MRTFB: variants seen among roughly 807,000 people sequenced by gnomAD.
MRTFB encodes the protein myocardin-related transcription factor B.
Under a neutral mutation model 104.2 loss-of-function variants are expected in MRTFB, and 29 were observed. The ratio of observed to expected loss-of-function variants is 0.28; its 90% CI spans 0.21 to 0.38. The LOEUF (loss-of-function observed/expected upper bound fraction) is 0.38. Ranked by LOEUF, MRTFB falls within the 10% of genes least tolerant of loss-of-function variation. The pLI is 1.00. For missense variants in MRTFB, 1,270 were observed against 1,341.6 expected (o/e 0.95, Z 0.83); for synonymous variants, 535 against 519.5 (o/e 1.03, Z -0.41).
At position 14,210,290 on chromosome 16, in the gene MRTFB, G is replaced by C. The variant is rs760992798; in HGVS notation, c.202G>C (p.Asp68His). 6.2e-7 allele frequency: 1 copy of C among 1,612,938 alleles called. No homozygotes were observed. The highest frequency in any genetic ancestry group is 8.5e-7 in the Non-Finnish European group (1 of 1,179,428). ...AAGGAGGACGAGAGAACAACTAGTG[G>C]ACCAGGGCATCATGCCACGTAAGAT... ...QQRRTREQLV[D>H]QGIMPPLKSP... The change falls in exon 4 of 17, where the codon GAC becomes CAC. Residue 68 changes from aspartate (D) to histidine (H), a missense_variant. Around this residue, in one of 3 missense-constraint regions of MRTFB, gnomAD observed 64 missense variants for 152.9 expected, o/e 0.42. Transcript: ENST00000571589.
the MRTFB span, among the ~76,000 whole-genome samples, chr16:14,025,651 G>A: frequency 1.3e-5 from 2 of 151,840 alleles, no homozygotes; most frequent in African/African-American, 4.8e-5. Context: ...AGAAGCTCAG[G>A]TTTCCTAGAA....
At chr16:14,015,740 C>G in the MRTFB span, 2 of 393,738 alleles carry the variant, frequency 5.1e-6, no homozygotes, top group African/African-American at 4.1e-5. Flanking sequence ...AATGCAGCAA[C>G]TTAATAATTA....
chr16:14,146,878 G>A (rs999504544), intron 3 of MRTFB, among the ~76,000 whole-genome samples: 1 of 152,152 alleles, frequency 6.6e-6, no homozygotes, highest in African/African-American at 2.4e-5. Context: ...GGGAGAAAGA[G>A]GAAATTTCTA....
intron 15 of MRTFB, among the ~76,000 whole-genome samples, chr16:14,256,151 ATGTC>A: frequency 1.3e-5 from 2 of 150,766 alleles, no homozygotes; most frequent in African/African-American, 2.4e-5. Context: ...AGATACAAAA[ATGTC>A]AAATTTTTTT....
At chr16:14,054,480 G>C in the MRTFB span, among the ~76,000 whole-genome samples, 1 of 152,176 alleles carries the variant, frequency 6.6e-6, no homozygotes, top group South Asian at 2.1e-4. Flanking sequence ...GCCTTCCAAA[G>C]TGCTAGGATT....
intron 2 of MRTFB, among the ~76,000 whole-genome samples, chr16:14,087,482 T>G (rs184768159): frequency 1.5e-4 from 23 of 152,292 alleles, no homozygotes; most frequent in African/African-American, 5.3e-4. Context: ...AGATGTCCAA[T>G]GTGGGAATAT....
At chr16:14,089,978 G>C (rs2034953179) in intron 2 of MRTFB, among the ~76,000 whole-genome samples, 1 of 152,116 alleles carries the variant, frequency 6.6e-6, no homozygotes, top group Non-Finnish European at 1.5e-5. Context: ...AAAATGGACT[G>C]TCTTTTTATT....
rs2043043152 is a variant in MRTFB at position 14,246,985 on chromosome 16, G to A, written c.1725G>A (p.Gln575=). ...LDAAEKDRKL[Q]EKEKQIEELK... is the part of the protein sequence containing the mutation. Reference sequence around the variant, plus strand: ...CAGCCGAAAAGGATCGCAAGCTTCAGGAGAAAGAGAAGCAAATCGAAGAGC... The same window carrying A: ...CAGCCGAAAAGGATCGCAAGCTTCAAGAGAAAGAGAAGCAAATCGAAGAGC... Residue 575 remains glutamine, a synonymous_variant, in exon 12 of 17, where the codon CAG becomes CAA. Transcript: ENST00000571589. 1 of 1,614,052 alleles carries A rather than the reference G, an allele frequency of 6.2e-7. No homozygotes were observed. Among genetic ancestry groups the A allele is most frequent in the African/African-American group, 1.3e-5 (1 of 74,942 alleles).
intron 2 of MRTFB, among the ~76,000 whole-genome samples, chr16:14,090,842 C>T (rs916451649): frequency 6.6e-6 from 1 of 151,326 alleles, no homozygotes; most frequent in African/African-American, 2.4e-5. Flanking sequence ...AAGAAAACCA[C>T]TTTAATTTTT....
intron 2 of MRTFB, among the ~76,000 whole-genome samples, chr16:14,132,128 A>G (rs1488004246): frequency 6.6e-6 from 1 of 152,232 alleles, no homozygotes. Context: ...ATTGGACAGT[A>G]TAGAGGAATC....
intron 3 of MRTFB, among the ~76,000 whole-genome samples, chr16:14,180,217 C>T (rs1310288331): frequency 6.6e-6 from 1 of 152,138 alleles, no homozygotes; most frequent in African/African-American, 2.4e-5. Context: ...CTAACATGTC[C>T]CCAGTGCATA....
chr16:14,008,834 G>A, the MRTFB span, among the ~76,000 whole-genome samples: 3 of 149,154 alleles, frequency 2.0e-5, no homozygotes, highest in African/African-American at 7.3e-5. Context: ...ATTTATTTAG[G>A]TCTTCTTTAG....
At chr16:14,235,905 G>T (rs935438347) in intron 9 of MRTFB, among the ~76,000 whole-genome samples, 1 of 152,234 alleles carries the variant, frequency 6.6e-6, no homozygotes, top group African/African-American at 2.4e-5. Context: ...GTATAGCCAG[G>T]TGCAGTGGCT....
intron 2 of MRTFB, among the ~76,000 whole-genome samples, chr16:14,120,830 G>C (rs1421709840): frequency 1.3e-5 from 2 of 152,110 alleles, no homozygotes. Context: ...AGGGCTTTGA[G>C]GAGAACTCTG....
intron 10 of MRTFB, among the ~76,000 whole-genome samples, chr16:14,242,227 G>C (rs947239268): frequency 2.6e-5 from 4 of 152,008 alleles, no homozygotes; most frequent in Non-Finnish European, 5.9e-5. Flanking sequence ...TGGCTTTGTA[G>C]ATAGGAAGAA....
intron 3 of MRTFB, among the ~76,000 whole-genome samples, chr16:14,168,429 T>C (rs190752577): frequency 3.3e-5 from 5 of 152,326 alleles, no homozygotes; most frequent in African/African-American, 9.6e-5. Context: ...ACAGCTACTG[T>C]TGTGGTTTTG....
chr16:14,181,234 C>A (rs1182859849), intron 3 of MRTFB, among the ~76,000 whole-genome samples: 3 of 151,766 alleles, frequency 2.0e-5, no homozygotes, highest in Admixed American at 1.3e-4. Context: ...TGGGATTTAC[C>A]ATAACCATTT....
At chr16:13,997,948 C>T in the MRTFB span, among the ~76,000 whole-genome samples, 1 of 152,130 alleles carries the variant, frequency 6.6e-6, no homozygotes, top group African/African-American at 2.4e-5. Flanking sequence ...GGGAGATACT[C>T]AAACCATCAA....
chr16:14,003,657 C>G, the MRTFB span, among the ~76,000 whole-genome samples: 1 of 146,548 alleles, frequency 6.8e-6, no homozygotes, highest in Non-Finnish European at 1.5e-5. Context: ...TCCCTCCCTC[C>G]CTCCCTCCCT....
Sources: gnomAD v4.1 joint callset for allele counts (sites outside exome capture counted in the v4.1 genomes callset) on GRCh38, gnomAD v4.1.1 for gene constraint, gnomAD v4.1.1 regional missense constraint, MANE v1.5 for transcripts, NCBI Gene and HGNC (gene_info 2026-07-23, HGNC 2026-07-21) for gene names.